The following THUMPD2 variants were observed in gnomAD, a reference collection of about 807,000 sequenced individuals.
The protein encoded by THUMPD2 is THUMP domain 2 tRNA and snRNA guanosine methyltransferase.
A neutral mutation model predicts 49.4 loss-of-function variants in THUMPD2; 56 were observed. The ratio of observed to expected loss-of-function variants is 1.13; its 90% confidence interval spans 0.91 to 1.41. The LOEUF (loss-of-function observed/expected upper bound fraction) is 1.41, where lower values mean the gene tolerates loss of function less well. Ranked by LOEUF, THUMPD2 falls within the 40% of genes most tolerant of loss-of-function variation. The probability of loss-of-function intolerance (pLI) is 0.00; values close to 1 mark genes in which losing one functional copy is unlikely to be tolerated. For synonymous variants in THUMPD2, 237 were observed against 205.2 expected, an observed-to-expected ratio of 1.15 and a Z score of -1.32; for missense variants, 709 against 594.5, an observed-to-expected ratio of 1.19 and a Z score of -2.00.
chr2:39,756,230 G>C (rs566522727), intron 6 of THUMPD2, among the ~76,000 whole-genome samples: 1 of 152,148 alleles, frequency 6.6e-6, no homozygotes, highest in Non-Finnish European at 1.5e-5. Flanking sequence ...ACAAGTATTA[G>C]TGTGGAACAA....
At chr2:39,737,541 A>C (rs145664171) in intron 9 of THUMPD2, among the ~76,000 whole-genome samples, 1 of 152,346 alleles carries the variant, frequency 6.6e-6, no homozygotes, top group East Asian at 1.9e-4. Context: ...ACTTATGTGG[A>C]AAAAGTCATG....
rs201367749 is a variant in THUMPD2 at position 39,753,103 on chromosome 2, CA to C, written c.1078+2191del. Among the ~76,000 whole-genome samples, 1,286 of 152,210 alleles carry C rather than the reference CA, an allele frequency of 8.4e-3. 18 individuals are homozygous for C. Among genetic ancestry groups the C allele is most frequent in the African/African-American group, 0.029 (1,213 of 41,524 alleles). Reference sequence around the variant, plus strand: ...ACAAAAAAATTCTAACTTCTATGTTCAAAAAAACCCCTGCTTGATCCCCAAT... The same window carrying C: ...ACAAAAAAATTCTAACTTCTATGTTCAAAAAACCCCTGCTTGATCCCCAAT... On this transcript the variant is annotated intron_variant, in intron 8 of 9. Transcript: ENST00000505747.
chr2:39,757,462 G>T, intron 6 of THUMPD2: 2 of 1,257,350 alleles, frequency 1.6e-6, no homozygotes, highest in Non-Finnish European at 2.1e-6. Flanking sequence ...CCCATGAAGG[G>T]GCAGTAAGGA....
At chr2:39,761,712 A>T (rs1676848835) in intron 5 of THUMPD2, among the ~76,000 whole-genome samples, 1 of 152,188 alleles carries the variant, frequency 6.6e-6, no homozygotes, top group South Asian at 2.1e-4. Context: ...AATCTTTCTT[A>T]TACTTCCCTG....
At chr2:39,759,976 G>T (rs991152611) in intron 6 of THUMPD2, among the ~76,000 whole-genome samples, 1 of 152,170 alleles carries the variant, frequency 6.6e-6, no homozygotes, top group Admixed American at 6.5e-5. Context: ...GAGAAGAAGA[G>T]AAATGGCAAA....
rs796077415 is a variant in THUMPD2, at chr2:39,768,339, A to G, written c.750+85T>C. ...ATACACTTTTTATAACTGTAAAATA[A>G]AACGGAAAAGTATGATAAGAATACA... On this transcript the variant is annotated intron_variant, in intron 4 of 9. Transcript: ENST00000505747. 6 of 1,173,090 alleles carry G rather than the reference A, an allele frequency of 5.1e-6. No individual in the cohort carries two copies. The Admixed American group carries it at 1.2e-4, about 24-fold the overall frequency. The allele number at this position is 1,173,090 out of a possible 1,614,324, so 72.7% of individuals were successfully genotyped here.
At chr2:39,770,578 A>C (rs1678181188) in intron 2 of THUMPD2, among the ~76,000 whole-genome samples, 1 of 152,112 alleles carries the variant, frequency 6.6e-6, no homozygotes, top group Non-Finnish European at 1.5e-5. Flanking sequence ...CCATATTAAT[A>C]AGTATATTAT....
chr2:39,740,012 T>G (rs1381080949), intron 9 of THUMPD2, among the ~76,000 whole-genome samples: 1 of 152,226 alleles, frequency 6.6e-6, no homozygotes. Context: ...ATAATGGTGA[T>G]ATAGCTAATA....
rs1384140179 is a variant in THUMPD2 at position 39,737,036 on chromosome 2, A to T, written c.1211T>A (p.Ile404Asn). Reference sequence around the variant, plus strand: ...GTGATCTTCACTAAGCAACAATACAATGGTTCCGCCAACATGAAGCACTCT... The same window carrying T: ...GTGATCTTCACTAAGCAACAATACATTGGTTCCGCCAACATGAAGCACTCT... Reference protein sequence around the residue: ...MERVLHVGGTIVLLLSEDHHR... With the variant: ...MERVLHVGGTNVLLLSEDHHR... The change falls in exon 10 of 10, where the codon ATT (isoleucine) becomes AAT (asparagine). Residue 404 changes from isoleucine (I) to asparagine (N), a missense_variant. Transcript: ENST00000505747. The T allele has an allele frequency of 1.2e-6, 2 of 1,610,784 alleles. No homozygotes were observed. Among genetic ancestry groups the T allele is most frequent in the South Asian group, 2.2e-5 (2 of 90,848 alleles).
At chr2:39,757,208 A>G in intron 6 of THUMPD2, 1 of 406,384 alleles carries the variant, frequency 2.5e-6, no homozygotes, top group Non-Finnish European at 4.9e-6. Flanking sequence ...GGAGAAAACA[A>G]TTGTCTAGAA....
intron 1 of THUMPD2, among the ~76,000 whole-genome samples, chr2:39,778,845 G>A (rs917255260): frequency 6.6e-6 from 1 of 152,234 alleles, no homozygotes; most frequent in Non-Finnish European, 1.5e-5. Flanking sequence ...CTACTTTAAA[G>A]AATCCAGGAA....
intron 5 of THUMPD2, 144 bp from the exon 6 acceptor site, chr2:39,761,562 GT>G (rs1369963157): frequency 2.6e-6 from 2 of 759,974 alleles, no homozygotes; most frequent in African/African-American, 3.5e-5. Context: ...CAATGTTTCA[GT>G]CTTATTACAA....
intron 6 of THUMPD2, among the ~76,000 whole-genome samples, chr2:39,756,390 G>A (rs1413819650): frequency 2.0e-5 from 3 of 151,644 alleles, no homozygotes; most frequent in African/African-American, 4.9e-5. Flanking sequence ...TGAGAATGGC[G>A]TGAACCTGGG....
chr2:39,760,199 A>C lies in THUMPD2; in HGVS notation c.891+1132T>G, dbSNP rs567978514. Among the ~76,000 whole-genome samples, 5 of 152,274 alleles carry C rather than the reference A, an allele frequency of 3.3e-5. No individual in the cohort carries two copies. The South Asian group carries it at 1.0e-3, about 32-fold the overall frequency. ...GGAGAGAAAGGGGTAAAAATGTTCA[A>C]AGGTCTCACTGTAGAGAGGAGAAGA... is the stretch of plus-strand genomic sequence containing the variant. On this transcript the variant is annotated intron_variant, in intron 6 of 9. Coordinates refer to ENST00000505747, the MANE Select transcript of THUMPD2 (RefSeq NM_025264.5).
At chr2:39,739,279 G>C (rs1012133527) in intron 9 of THUMPD2, among the ~76,000 whole-genome samples, 1 of 152,106 alleles carries the variant, frequency 6.6e-6, no homozygotes, top group Non-Finnish European at 1.5e-5. Flanking sequence ...GTCACTGCCT[G>C]CTTTCTTTGC....
At chr2:39,755,648 T>C (rs1675999931) in intron 7 of THUMPD2, among the ~76,000 whole-genome samples, 1 of 152,220 alleles carries the variant, frequency 6.6e-6, no homozygotes, top group Non-Finnish European at 1.5e-5. Context: ...TGAGGATTAG[T>C]ATAATCTAGG....
At chr2:39,772,479 A>T (rs1399684941) in intron 1 of THUMPD2, among the ~76,000 whole-genome samples, 2 of 152,180 alleles carry the variant, frequency 1.3e-5, no homozygotes, top group South Asian at 2.1e-4. Context: ...AGAAATGATG[A>T]GATACTTGGC....
intron 8 of THUMPD2, among the ~76,000 whole-genome samples, chr2:39,752,004 A>G (rs1675477518): frequency 6.6e-6 from 1 of 152,144 alleles, no homozygotes; most frequent in African/African-American, 2.4e-5. Context: ...ATTTCTTTTT[A>G]TATTAGTTGA....
intron 8 of THUMPD2, 71 bp downstream of exon 8, chr2:39,755,223 GT>G: frequency 1.9e-6 from 2 of 1,070,014 alleles, no homozygotes; most frequent in South Asian, 1.6e-5. Context: ...AGTGAGACTT[GT>G]TTTATATTAT....
Sources: gnomAD v4.1 joint callset for allele counts (sites outside exome capture counted in the v4.1 genomes callset) on GRCh38, gnomAD v4.1.1 for gene constraint, MANE v1.5 for transcripts, NCBI Gene and HGNC (gene_info 2026-07-23, HGNC 2026-07-21) for gene names.